Variants in BTAF1 observed in about 807,000 individuals in gnomAD.
The protein encoded by BTAF1 is TATA-binding protein-associated factor 172.
Under a neutral mutation model 227.1 loss-of-function variants are expected in BTAF1, and 38 were observed. The ratio of observed to expected loss-of-function variants is 0.17; its 90% CI spans 0.13 to 0.22. The LOEUF is 0.22. BTAF1 is among the 10% of genes least tolerant of loss of function. BTAF1 has a pLI of 1.00. For missense variants in BTAF1, 1,598 were observed against 2,204.0 expected (o/e 0.73, Z 5.51); for synonymous variants, 742 against 751.9 (o/e 0.99, Z 0.21).
chr10:92,020,180 A>C (rs952084141), intron 34 of BTAF1, among the ~76,000 whole-genome samples: 8 of 152,028 alleles, frequency 5.3e-5, no homozygotes, highest in African/African-American at 1.7e-4. Context: ...TCCCTTTTAC[A>C]TGACCATTTG....
At chr10:92,024,307 A>G (rs920200659) in intron 34 of BTAF1, among the ~76,000 whole-genome samples, 1 of 152,190 alleles carries the variant, frequency 6.6e-6, no homozygotes, top group Non-Finnish European at 1.5e-5. Context: ...TGTCTGCGGC[A>G]TCTTCTTTGT....
chr10:91,930,746 T>C (rs1451669600), intron 1 of BTAF1, among the ~76,000 whole-genome samples: 1 of 152,218 alleles, frequency 6.6e-6, no homozygotes, highest in Non-Finnish European at 1.5e-5. Flanking sequence ...TTATCTTTCC[T>C]TACTTCCTGA....
At chr10:91,943,687 TAATG>T (rs1845171817) in intron 4 of BTAF1, among the ~76,000 whole-genome samples, 1 of 152,218 alleles carries the variant, frequency 6.6e-6, no homozygotes, top group Non-Finnish European at 1.5e-5. Flanking sequence ...GTTTTTCTAA[TAATG>T]GAGGTAAAAC....
chr10:91,936,406 A>AGGGAGCAATATGATTGCCCAGATAT (rs1554848746), intron 2 of BTAF1, among the ~76,000 whole-genome samples: 1 of 150,758 alleles, frequency 6.6e-6, no homozygotes, highest in African/African-American at 2.5e-5. Flanking sequence ...AGGATAGGGT[A>AGGGAGCAATATGATTGCCCAGATAT]GGGGAGCAAT....
At chr10:91,999,093 G>T (rs1397690403) in intron 25 of BTAF1, among the ~76,000 whole-genome samples, 1 of 151,070 alleles carries the variant, frequency 6.6e-6, no homozygotes, top group East Asian at 1.9e-4. Context: ...AAGTTATTAT[G>T]AATAATGCTG....
At position 92,013,777 on chromosome 10, in the gene BTAF1, T is replaced by C; in HGVS notation, c.4422T>C (p.Asp1474=). The change falls in exon 31 of 38, where the codon GAT becomes GAC. Residue 1474 remains aspartate, a synonymous_variant. Transcript: ENST00000265990. ...GTAAACCTATATTAGCAAGTAGGGA[T>C]GCTCGAAGCTCCAGTCGAGAGCAAG... ...RYGKPILASR[D]ARSSSREQEA... is the part of the protein sequence containing the mutation. 6.2e-7 allele frequency: 1 copy of C among 1,614,072 alleles called. No individual in the cohort carries two copies. Among genetic ancestry groups the C allele is most frequent in the Non-Finnish European group, 8.5e-7 (1 of 1,180,014 alleles).
At chr10:91,939,918 T>A (rs1844878555) in intron 2 of BTAF1, 34 bp from the exon 3 acceptor site, 1 of 1,437,818 alleles carries the variant, frequency 7.0e-7, no homozygotes, top group East Asian at 2.3e-5. Flanking sequence ...AACAATATTT[T>A]TGTATACGTA....
chr10:92,023,126 A>G (rs1287952878), intron 34 of BTAF1, among the ~76,000 whole-genome samples: 1 of 152,190 alleles, frequency 6.6e-6, no homozygotes, highest in African/African-American at 2.4e-5. Flanking sequence ...TTCAGCCTAA[A>G]TCATATTATT....
chr10:92,003,749 C>T (rs774837695), intron 25 of BTAF1, among the ~76,000 whole-genome samples: 4 of 152,152 alleles, frequency 2.6e-5, no homozygotes, highest in Non-Finnish European at 4.4e-5. Flanking sequence ...GATTTCATTT[C>T]CTTTGGATAT....
intron 15 of BTAF1, among the ~76,000 whole-genome samples, 159 bp downstream of exon 15, chr10:91,980,717 G>A (rs980501374): frequency 3.9e-5 from 6 of 152,080 alleles, no homozygotes; most frequent in Non-Finnish European, 7.4e-5. Context: ...CTTACATGTA[G>A]CATGTAATAG....
chr10:92,019,529 G>A (rs554114842), intron 34 of BTAF1, among the ~76,000 whole-genome samples: 80 of 152,312 alleles, frequency 5.3e-4, no homozygotes, highest in African/African-American at 1.8e-3. Context: ...AGACTAAGGA[G>A]TGGAATAGGT....
chr10:91,989,835 G>T (rs550285217), intron 20 of BTAF1, among the ~76,000 whole-genome samples: 1 of 152,282 alleles, frequency 6.6e-6, no homozygotes, highest in East Asian at 1.9e-4. Flanking sequence ...AAATCTGTAA[G>T]ACAGGTGTTC....
intron 6 of BTAF1, among the ~76,000 whole-genome samples, chr10:91,956,077 G>A (rs758507281): frequency 2.8e-4 from 43 of 151,724 alleles, no homozygotes; most frequent in Non-Finnish European, 1.5e-4. Flanking sequence ...TTTTTTCATT[G>A]GTCAATTGTT....
intron 20 of BTAF1, 146 bp downstream of exon 20, chr10:91,989,726 C>T: frequency 1.2e-6 from 1 of 825,250 alleles, no homozygotes; most frequent in Middle Eastern, 3.7e-4. Context: ...TAACAAAACT[C>T]TTTGTTACAT....
chr10:91,947,991 G>A (rs1252095047), intron 4 of BTAF1, among the ~76,000 whole-genome samples: 2 of 151,846 alleles, frequency 1.3e-5, no homozygotes, highest in African/African-American at 4.8e-5. Context: ...TTTAGATTGG[G>A]TACTTTGTAT....
chr10:91,979,981 C>T (rs571273173), intron 14 of BTAF1, among the ~76,000 whole-genome samples: 2 of 152,276 alleles, frequency 1.3e-5, no homozygotes, highest in South Asian at 4.1e-4. Context: ...TTGTAGTGAA[C>T]TCCAAGTAGA....
chr10:91,925,534 A>G (rs1843768832), intron 1 of BTAF1, among the ~76,000 whole-genome samples: 1 of 35,900 alleles, frequency 2.8e-5, no homozygotes, highest in African/African-American at 4.0e-5. Context: ...TTTTTTGAGA[A>G]GGAATCTGGC....
At chr10:92,008,725 T>A in intron 26 of BTAF1, 104 bp from the exon 27 acceptor site, 1 of 1,082,466 alleles carries the variant, frequency 9.2e-7, no homozygotes, top group Non-Finnish European at 1.3e-6. Context: ...CTTTTGCATA[T>A]AGAAATATTT....
Position 92,011,434 on chromosome 10 carries a change from T to TA in BTAF1, c.4311+19_4311+20insA. 1 of 1,138,150 alleles carries TA rather than the reference T, an allele frequency of 8.8e-7. No homozygotes were observed. The highest frequency in any genetic ancestry group is 1.1e-6 in the Non-Finnish European group (1 of 874,734). 70.5% of individuals were successfully genotyped at this position (1,138,150 alleles called of 1,614,324 possible). On this transcript the variant is annotated intron_variant, in intron 30 of 37. Coordinates refer to ENST00000265990, the MANE Select transcript of BTAF1 (RefSeq NM_003972.3). ...AATCCAGGTAATTATTTATTATTAT[T>TA]TTTTTTAATTATTTTTATTTTTATT...
Sources: allele counts gnomAD v4.1 joint callset (sites outside exome capture counted in the v4.1 genomes callset), GRCh38; gene constraint gnomAD v4.1.1; transcripts MANE v1.5; gene names NCBI Gene and HGNC (gene_info 2026-07-23, HGNC 2026-07-21).